LMAN1: variants seen among roughly 807,000 people sequenced by gnomAD.
LMAN1 encodes protein ERGIC-53.
LMAN1 carries 32 observed loss-of-function variants against 67.8 expected under a neutral mutation model. That is an observed-to-expected ratio of 0.47 (90% CI 0.36 to 0.63). The LOEUF is 0.63. LMAN1 is among the 30% of genes least tolerant of loss of function. The pLI is 0.00. For missense variants in LMAN1, 632 were observed against 628.2 expected (o/e 1.01, Z -0.06); for synonymous variants, 235 against 219.3 (o/e 1.07, Z -0.63).
At chr18:59,351,753 C>T (rs112326088) in intron 5 of LMAN1, among the ~76,000 whole-genome samples, 11 of 152,282 alleles carry the variant, frequency 7.2e-5, no homozygotes, top group African/African-American at 2.2e-4. Flanking sequence ...TTGGGTCACA[C>T]GGACAGTCTG....
At chr18:59,342,311 T>G (rs1908306267) in intron 8 of LMAN1, among the ~76,000 whole-genome samples, 1 of 151,972 alleles carries the variant, frequency 6.6e-6, no homozygotes, top group African/African-American at 2.4e-5. Context: ...TCCCCCTAAC[T>G]CATCCTATGA....
Position 59,338,885 on chromosome 18 carries a change from G to A in LMAN1, c.1024C>T (p.His342Tyr). ...RQVFEGQNRI[H>Y]LEIKQLNRQL... ...CGGTTCAGCTGCTTGATTTCAAGAT[G>A]AATACGATTCTGTCCTTCAAAGACT... is the stretch of plus-strand genomic sequence containing the variant. The change falls in exon 9 of 13, where the codon CAT becomes TAT. Residue 342 changes from histidine to tyrosine, a missense_variant. By Grantham distance (83) the His-to-Tyr change is moderately conservative. Transcript: ENST00000251047. 1 of 1,613,540 alleles carries A rather than the reference G, an allele frequency of 6.2e-7. No homozygotes were observed. Among genetic ancestry groups the A allele is most frequent in the Non-Finnish European group, 8.5e-7 (1 of 1,179,818 alleles).
At chr18:59,342,385 A>G (rs1481238137) in intron 8 of LMAN1, among the ~76,000 whole-genome samples, 1 of 152,164 alleles carries the variant, frequency 6.6e-6, no homozygotes, top group Non-Finnish European at 1.5e-5. Context: ...CTACAGACCC[A>G]TATCCCTGAT....
In LMAN1 at chr18:59,344,147, G is replaced by A. The variant is rs529124638; in HGVS notation, c.955+1772C>T. Among the ~76,000 whole-genome samples, 268 of 152,252 alleles carry A rather than the reference G, an allele frequency of 1.8e-3. 1 individual carries two copies. Among genetic ancestry groups the A allele is most frequent in the African/African-American group, 6.3e-3 (262 of 41,576 alleles). On this transcript the variant is annotated intron_variant, in intron 8 of 12. Transcript: ENST00000251047. ...ATTAAAAAGTCAAAAGACAACAGATGTTGTCAAGATGTGGAGAAGAGGGAA... is the reference window on the plus strand; with the variant it reads ...ATTAAAAAGTCAAAAGACAACAGATATTGTCAAGATGTGGAGAAGAGGGAA...
rs1271142630 is a variant in LMAN1, at chr18:59,338,781, T to G, written c.1128A>C (p.Gly376=). 4.3e-6 allele frequency: 7 copies of G among 1,614,122 alleles called. No homozygotes were observed. In the South Asian group the frequency reaches 6.6e-5, roughly 15 times the overall value. ...LTEEISKRGA[G]MPGQHGQITQ... is the part of the protein sequence containing the mutation. ...CCACCTGCCCATGCTGCCCAGGCAT[T>G]CCTGCTCCTCTTTTAGAGATTTCCT... is the stretch of plus-strand genomic sequence containing the variant. Residue 376 remains glycine, a synonymous_variant, in exon 9 of 13, where the codon GGA becomes GGC. Transcript: ENST00000251047.
Position 59,355,490 on chromosome 18 carries a change from A to G in LMAN1, c.369+14T>C. Reference sequence around the variant, plus strand: ...CATTTATGCACATTTTCTAAGTTAAAGAAATGATCATACTAGGCCATCAGC... The same window carrying G: ...CATTTATGCACATTTTCTAAGTTAAGGAAATGATCATACTAGGCCATCAGC... On this transcript the variant is annotated intron_variant, in intron 2 of 12. Transcript: ENST00000251047. The G allele has an allele frequency of 6.2e-7, 1 of 1,614,124 alleles. No individual in the cohort carries two copies.
At chr18:59,352,131 C>T (rs772638334) in intron 5 of LMAN1, among the ~76,000 whole-genome samples, 3 of 152,188 alleles carry the variant, frequency 2.0e-5, no homozygotes, top group Non-Finnish European at 4.4e-5. Context: ...GTTATCATAA[C>T]TGCCAGTTAG....
rs141496760 is a variant in LMAN1 at position 59,345,941 on chromosome 18, G to A, written c.933C>T (p.His311=). The change falls in exon 8 of 13, where the codon CAC becomes CAT. Residue 311 remains histidine, a synonymous_variant. Transcript: ENST00000251047. ...CACCAGGCTGCCCTTGGAGGTCGGG[G>A]TGGCCCTTCTGGAATTCCTCTTTTT... is the stretch of plus-strand genomic sequence containing the variant. ...DKKKEEFQKG[H]PDLQGQPAEE... 5.5e-5 allele frequency: 88 copies of A among 1,613,856 alleles called. No homozygotes were observed. The highest frequency in any genetic ancestry group is 6.9e-5 in the Non-Finnish European group (81 of 1,180,038).
At chr18:59,332,284 G>C (rs1339261368) in intron 11 of LMAN1, among the ~76,000 whole-genome samples, 1 of 152,034 alleles carries the variant, frequency 6.6e-6, no homozygotes, top group Non-Finnish European at 1.5e-5. Context: ...TAAGGGGACA[G>C]ATAATAATGC....
chr18:59,358,894 G>T (rs1016129864), intron 1 of LMAN1, 137 bp downstream of exon 1: 2 of 867,386 alleles, frequency 2.3e-6, no homozygotes, highest in Admixed American at 4.0e-5. Context: ...GCTGCCAGGA[G>T]GGTCCCCTCC....
At chr18:59,358,961 G>A (rs1048238442) in intron 1 of LMAN1, 70 bp downstream of exon 1, 9 of 1,480,750 alleles carry the variant, frequency 6.1e-6, no homozygotes, top group South Asian at 1.1e-5. Context: ...CAGGGTAGCC[G>A]CGGATGAAAG....
chr18:59,350,667 T>C (rs371146003), intron 5 of LMAN1, among the ~76,000 whole-genome samples: 97 of 152,216 alleles, frequency 6.4e-4, no homozygotes, highest in South Asian at 1.5e-3. Flanking sequence ...GCTAATTTTT[T>C]TGTATTTTTA....
At chr18:59,345,785 T>C (rs2144222328) in intron 8 of LMAN1, 134 bp downstream of exon 8, 2 of 1,036,210 alleles carry the variant, frequency 1.9e-6, no homozygotes, top group Non-Finnish European at 2.9e-6. Context: ...TGCTCCTAAA[T>C]TGTTTCCAGA....
In LMAN1 at chr18:59,353,317, G is replaced by A. The variant is rs1402990920; in HGVS notation, c.540-16C>T. 6.4e-7 allele frequency: 1 copy of A among 1,553,684 alleles called. No individual in the cohort carries two copies. The highest frequency in any genetic ancestry group is 1.1e-5 in the South Asian group (1 of 89,864). ...AGCCCCGTCACTATAGTGTAAGGGG[G>A]AGGAAAACAGACAAGACACTCAGCT... On this transcript the variant is annotated splice_polypyrimidine_tract_variant and intron_variant, in intron 4 of 12. Transcript: ENST00000251047.
chr18:59,358,915 T>G, intron 1 of LMAN1, 116 bp downstream of exon 1: 1 of 1,047,748 alleles, frequency 9.5e-7, no homozygotes, highest in Admixed American at 1.9e-5. Flanking sequence ...ACAGCGCATA[T>G]GGTGTGCAGC....
At chr18:59,343,791 T>C (rs981871786) in intron 8 of LMAN1, among the ~76,000 whole-genome samples, 3 of 151,696 alleles carry the variant, frequency 2.0e-5, no homozygotes, top group Non-Finnish European at 4.4e-5. Flanking sequence ...AAAACAAAAA[T>C]AGACAAATGG....
At chr18:59,333,809 C>T (rs1233122241) in intron 10 of LMAN1, 3 of 150,208 alleles carry the variant, frequency 2.0e-5, no homozygotes, top group Non-Finnish European at 4.4e-5. Context: ...AGTTATTTCA[C>T]TGGAGTCAAA....
chr18:59,351,259 C>T (rs1352108851), intron 5 of LMAN1, among the ~76,000 whole-genome samples: 1 of 151,718 alleles, frequency 6.6e-6, no homozygotes, highest in Non-Finnish European at 1.5e-5. Context: ...TATCTCAAGG[C>T]CAAATAAGCA....
intron 11 of LMAN1, among the ~76,000 whole-genome samples, chr18:59,332,659 G>A (rs1021465414): frequency 6.6e-6 from 1 of 152,118 alleles, no homozygotes; most frequent in Admixed American, 6.6e-5. Flanking sequence ...TCTTATAGAA[G>A]ACAACCAGCA....
Sources: allele counts gnomAD v4.1 joint callset (sites outside exome capture counted in the v4.1 genomes callset), GRCh38; gene constraint gnomAD v4.1.1; transcripts MANE v1.5; gene names NCBI Gene and HGNC (gene_info 2026-07-23, HGNC 2026-07-21).